Variants in KCNH7 observed in about 807,000 individuals in gnomAD.
KCNH7 encodes the protein potassium voltage-gated channel subfamily H member 7, also known as voltage-gated inwardly rectifying potassium channel KCNH7.
Under a neutral mutation model 120.8 loss-of-function variants are expected in KCNH7, and 49 were observed. The observed-to-expected ratio is 0.41, with a 90% confidence interval of 0.32 to 0.51. The LOEUF (loss-of-function observed/expected upper bound fraction) is 0.51, where lower values mean the gene tolerates loss of function less well. Among genes scored for constraint, KCNH7 ranks in the 20% least tolerant of loss-of-function variants. The pLI, the probability that KCNH7 is intolerant of heterozygous loss-of-function variation, is 0.38. For missense variants in KCNH7, 1,097 were observed against 1,446.6 expected (o/e 0.76, Z 3.92); for synonymous variants, 547 against 516.1 (o/e 1.06, Z -0.81).
At chr2:162,717,310 G>C (rs915445258) in intron 2 of KCNH7, among the ~76,000 whole-genome samples, 2 of 152,018 alleles carry the variant, frequency 1.3e-5, no homozygotes, top group Admixed American at 1.3e-4. Flanking sequence ...TTGGCAGGTG[G>C]GGATCCAAAA....
At chr2:162,457,608 C>T (rs1206215961) in intron 6 of KCNH7, among the ~76,000 whole-genome samples, 3 of 152,118 alleles carry the variant, frequency 2.0e-5, no homozygotes, top group East Asian at 1.9e-4. Context: ...GGATTAGTAA[C>T]TACTCTTCAC....
chr2:162,388,852 G>A lies in KCNH7; in HGVS notation c.2711-3913C>T, dbSNP rs193025177. 1.2e-4 allele frequency among the ~76,000 whole-genome samples: 18 copies of A among 152,034 alleles called. No homozygotes were observed. The East Asian group carries it at 3.1e-3, about 26-fold the overall frequency. ...ATTGCTATCCTTTGAAATGCAAAAT[G>A]TAATGAGTTCAGTACACTTCCACTC... On this transcript the variant is annotated intron_variant, in intron 12 of 15. Coordinates refer to ENST00000332142, the MANE Select transcript of KCNH7 (RefSeq NM_033272.4).
chr2:162,401,114 C>CTGT (rs1414894931), intron 9 of KCNH7, among the ~76,000 whole-genome samples: 1 of 151,866 alleles, frequency 6.6e-6, no homozygotes, highest in Non-Finnish European at 1.5e-5. Context: ...ATTTGCAGTG[C>CTGT]ATACATAAGC....
At chr2:162,783,014 C>T (rs1175396741) in intron 2 of KCNH7, among the ~76,000 whole-genome samples, 1 of 152,160 alleles carries the variant, frequency 6.6e-6, no homozygotes, top group African/African-American at 2.4e-5. Context: ...CCTGGTGGGT[C>T]CTAGCCTGTC....
chr2:162,635,555 A>ACC (rs1397860043), intron 2 of KCNH7, among the ~76,000 whole-genome samples: 1 of 151,966 alleles, frequency 6.6e-6, no homozygotes, highest in Non-Finnish European at 1.5e-5. Flanking sequence ...TTTTACACCC[A>ACC]CCCACACAGG....
At chr2:162,452,577 G>A (rs1688808889) in intron 6 of KCNH7, among the ~76,000 whole-genome samples, 1 of 151,992 alleles carries the variant, frequency 6.6e-6, no homozygotes, top group Non-Finnish European at 1.5e-5. Context: ...TGGTGGATGG[G>A]AAAATCATGT....
At chr2:162,459,850 C>T (rs1689089194) in intron 6 of KCNH7, among the ~76,000 whole-genome samples, 1 of 152,054 alleles carries the variant, frequency 6.6e-6, no homozygotes, top group Admixed American at 6.5e-5. Flanking sequence ...AACCCTACCA[C>T]TTTGGGAGGC....
intron 12 of KCNH7, among the ~76,000 whole-genome samples, chr2:162,391,308 A>G (rs370285939): frequency 6.6e-6 from 1 of 152,040 alleles, no homozygotes; most frequent in Non-Finnish European, 1.5e-5. Flanking sequence ...TTTTTCTCCT[A>G]TATATTGACG....
intron 2 of KCNH7, among the ~76,000 whole-genome samples, chr2:162,562,838 T>A (rs6708236): frequency 0.57 from 86,154 of 152,024 alleles, 25,052 homozygotes; most frequent in Admixed American, 0.68. Flanking sequence ...GCATAAACTC[T>A]TTCCTTCTAG....
chr2:162,817,731 A>G (rs910084946), intron 2 of KCNH7, among the ~76,000 whole-genome samples: 3 of 152,066 alleles, frequency 2.0e-5, no homozygotes, highest in Admixed American at 1.3e-4. Context: ...TGGTGTTCTC[A>G]GTCTTTTCAA....
chr2:162,787,529 G>A (rs997848102), intron 2 of KCNH7, among the ~76,000 whole-genome samples: 1 of 152,054 alleles, frequency 6.6e-6, no homozygotes, highest in Non-Finnish European at 1.5e-5. Flanking sequence ...TTGGACCCAG[G>A]TCCACACACA....
rs1421891285 is a variant in KCNH7, at chr2:162,607,300, G to A, written c.308-70220C>T. ...GGCTACTTGGGAGGCTGAGGCAGGAGAATTGCTTGAACCCAGCAGGTGGAA... is the reference window on the plus strand; with the variant it reads ...GGCTACTTGGGAGGCTGAGGCAGGAAAATTGCTTGAACCCAGCAGGTGGAA... On this transcript the variant is annotated intron_variant, in intron 2 of 15. Coordinates refer to ENST00000332142, the MANE Select transcript of KCNH7 (RefSeq NM_033272.4). 2.0e-5 allele frequency among the ~76,000 whole-genome samples: 3 copies of A among 151,290 alleles called. No homozygotes were observed. In the East Asian group the frequency reaches 5.8e-4, roughly 29 times the overall value.
intron 2 of KCNH7, among the ~76,000 whole-genome samples, chr2:162,756,659 G>T (rs990589587): frequency 1.3e-5 from 2 of 151,980 alleles, no homozygotes; most frequent in Non-Finnish European, 2.9e-5. Context: ...GAAAGATGAG[G>T]TCTATGTTGC....
At chr2:162,581,306 C>CT (rs1251658031) in intron 2 of KCNH7, among the ~76,000 whole-genome samples, 2 of 152,074 alleles carry the variant, frequency 1.3e-5, no homozygotes, top group Non-Finnish European at 2.9e-5. Flanking sequence ...AATAATTGCA[C>CT]TTTTGTATCC....
intron 6 of KCNH7, among the ~76,000 whole-genome samples, chr2:162,470,650 C>T (rs1257887805): frequency 2.0e-5 from 3 of 150,664 alleles, no homozygotes; most frequent in East Asian, 4.0e-4. Flanking sequence ...CCCGGCCAGC[C>T]GCCCCGTCCG....
intron 2 of KCNH7, among the ~76,000 whole-genome samples, chr2:162,828,884 A>C (rs1355850479): frequency 6.6e-6 from 1 of 152,294 alleles, no homozygotes; most frequent in East Asian, 1.9e-4. Flanking sequence ...TTCTGAGTAA[A>C]AAGTAGTGTG....
rs543996688 is a variant in KCNH7, at chr2:162,589,583, C to G, written c.308-52503G>C. On this transcript the variant is annotated intron_variant, in intron 2 of 15. Coordinates refer to ENST00000332142, the MANE Select transcript of KCNH7 (RefSeq NM_033272.4). ...CTCTCACATGGATAAATATCTCAAG[C>G]ATAATCATAGGATGCACAGAAGGGG... Among the ~76,000 whole-genome samples, 121 of 152,156 alleles carry G rather than the reference C, an allele frequency of 8.0e-4. 1 individual carries two copies. The highest frequency in any genetic ancestry group is 2.8e-3 in the African/African-American group (115 of 41,542).
At chr2:162,567,006 G>T (rs751153221) in intron 2 of KCNH7, among the ~76,000 whole-genome samples, 9 of 151,944 alleles carry the variant, frequency 5.9e-5, no homozygotes, top group Non-Finnish European at 1.2e-4. Flanking sequence ...CTGAAGAAAG[G>T]CAGGCCTGTT....
At chr2:162,656,102 A>T (rs1354158173) in intron 2 of KCNH7, among the ~76,000 whole-genome samples, 1 of 152,232 alleles carries the variant, frequency 6.6e-6, no homozygotes, top group African/African-American at 2.4e-5. Flanking sequence ...TTTGTAAAAC[A>T]TGAAAGTCAA....
Sources: gnomAD v4.1 joint callset for allele counts (sites outside exome capture counted in the v4.1 genomes callset) on GRCh38, gnomAD v4.1.1 for gene constraint, MANE v1.5 for transcripts, NCBI Gene and HGNC (gene_info 2026-07-23, HGNC 2026-07-21) for gene names.